Variants in GSTCD observed in about 807,000 individuals in gnomAD.
GSTCD encodes glutathione S-transferase C-terminal domain containing, also known as glutathione S-transferase C-terminal domain-containing protein.
GSTCD carries 44 observed loss-of-function variants against 68.3 expected under a neutral mutation model. The observed-to-expected ratio is 0.64, with a 90% CI of 0.51 to 0.83. The LOEUF (loss-of-function observed/expected upper bound fraction) is 0.83. GSTCD is among the 40% of genes least tolerant of loss of function. The pLI is 0.00. For missense variants in GSTCD, 739 were observed against 735.9 expected (o/e 1.00, Z -0.05); for synonymous variants, 273 against 255.2 (o/e 1.07, Z -0.67).
At chr4:105,710,541 T>C (rs77475426) in intron 1 of GSTCD, among the ~76,000 whole-genome samples, 3,591 of 152,228 alleles carry the variant, frequency 0.024, 46 homozygotes, top group Middle Eastern at 0.048. Context: ...TTTTTGTTTT[T>C]TTAAACTTGT....
intron 1 of GSTCD, among the ~76,000 whole-genome samples, chr4:105,715,627 A>C (rs925887474): frequency 2.6e-5 from 4 of 151,766 alleles, no homozygotes; most frequent in Admixed American, 6.6e-5. Flanking sequence ...TTAGTTTTAA[A>C]AAATGAAGAA....
intron 5 of GSTCD, among the ~76,000 whole-genome samples, chr4:105,741,347 G>T (rs990663160): frequency 6.6e-6 from 1 of 152,094 alleles, no homozygotes; most frequent in African/African-American, 2.4e-5. Context: ...TAAAGAATTT[G>T]TTAGTGTTTT....
chr4:105,722,069 CAG>C (rs1487152195), intron 3 of GSTCD, among the ~76,000 whole-genome samples: 7 of 152,086 alleles, frequency 4.6e-5, no homozygotes, highest in Non-Finnish European at 7.4e-5. Flanking sequence ...GCCTATAAGA[CAG>C]AAAGTTGCAT....
intron 5 of GSTCD, among the ~76,000 whole-genome samples, chr4:105,811,026 T>C (rs2553460): frequency 0.82 from 124,515 of 152,012 alleles, 51,321 homozygotes; most frequent in East Asian, 0.96. Context: ...TTTCCTGAAG[T>C]AGATTCCTAA....
chr4:105,782,706 C>T (rs749843758), intron 5 of GSTCD, among the ~76,000 whole-genome samples: 11 of 151,974 alleles, frequency 7.2e-5, no homozygotes, highest in Non-Finnish European at 1.2e-4. Flanking sequence ...CCTCAGGTCC[C>T]CTAGTAGCTG....
intron 5 of GSTCD, among the ~76,000 whole-genome samples, chr4:105,805,037 A>G (rs937774889): frequency 6.6e-6 from 1 of 152,122 alleles, no homozygotes; most frequent in Non-Finnish European, 1.5e-5. Context: ...TACAGCTATT[A>G]TATTTATTTT....
chr4:105,778,858 G>A (rs1220129084), intron 5 of GSTCD, among the ~76,000 whole-genome samples: 1 of 152,040 alleles, frequency 6.6e-6, no homozygotes, highest in African/African-American at 2.4e-5. Flanking sequence ...ATTCCTCAAT[G>A]TTAACATTTT....
chr4:105,749,265 A>G (rs1267792040), intron 5 of GSTCD, among the ~76,000 whole-genome samples: 1 of 152,014 alleles, frequency 6.6e-6, no homozygotes, highest in Non-Finnish European at 1.5e-5. Context: ...TAAAAATTTC[A>G]CGTGAAGTAA....
intron 5 of GSTCD, among the ~76,000 whole-genome samples, chr4:105,790,905 ATTGTT>A (rs1358539936): frequency 6.6e-6 from 1 of 151,994 alleles, no homozygotes; most frequent in African/African-American, 2.4e-5. Flanking sequence ...ACTCATCCTT[ATTGTT>A]TTATCACTGT....
chr4:105,753,520 A>G (rs1240274801), intron 5 of GSTCD, among the ~76,000 whole-genome samples: 1 of 152,014 alleles, frequency 6.6e-6, no homozygotes, highest in Non-Finnish European at 1.5e-5. Context: ...TTTTCTTGTC[A>G]TGATGCCCTA....
intron 4 of GSTCD, among the ~76,000 whole-genome samples, chr4:105,727,717 TA>T (rs1406384792): frequency 4.6e-5 from 7 of 152,014 alleles, no homozygotes; most frequent in Non-Finnish European, 1.0e-4. Flanking sequence ...GCATATGCTT[TA>T]TTTTTTTTCT....
chr4:105,827,564 A>G (rs1723696005), intron 8 of GSTCD, among the ~76,000 whole-genome samples: 1 of 152,212 alleles, frequency 6.6e-6, no homozygotes, highest in Non-Finnish European at 1.5e-5. Flanking sequence ...CTAGGAGAGT[A>G]ATTGAGATAT....
intron 5 of GSTCD, among the ~76,000 whole-genome samples, chr4:105,805,885 A>G (rs572600879): frequency 2.0e-5 from 3 of 152,176 alleles, no homozygotes; most frequent in Admixed American, 6.6e-5. Flanking sequence ...TGTTTTTTTA[A>G]GAAATTTTCC....
At position 105,760,461 on chromosome 4, in the gene GSTCD, G is replaced by C. The variant is rs143769599; in HGVS notation, c.1240+30962G>C. Among the ~76,000 whole-genome samples the C allele has an allele frequency of 4.1e-3, 623 of 152,220 alleles. 2 individuals are homozygous for C. The highest frequency in any genetic ancestry group is 0.024 in the Middle Eastern group (7 of 294). On this transcript the variant is annotated intron_variant, in intron 5 of 11. Transcript: ENST00000515279. The stretch of plus-strand genomic sequence containing the variant: ...TCTGAGACTTTGATCTTACCAGCTA[G>C]ATTTTACCAACTGCATTGCATTTTA...
chr4:105,732,304 G>A (rs1733275662), intron 5 of GSTCD, among the ~76,000 whole-genome samples: 1 of 152,178 alleles, frequency 6.6e-6, no homozygotes, highest in Admixed American at 6.5e-5. Flanking sequence ...GAATTCGGCT[G>A]TGAATCCGTC....
intron 5 of GSTCD, among the ~76,000 whole-genome samples, chr4:105,794,668 G>T (rs946810645): frequency 2.6e-5 from 4 of 151,152 alleles, no homozygotes; most frequent in Non-Finnish European, 5.9e-5. Context: ...CAACTCTGTG[G>T]CCTATAAAAT....
chr4:105,827,646 A>C (rs1723700301), intron 8 of GSTCD, among the ~76,000 whole-genome samples: 1 of 152,194 alleles, frequency 6.6e-6, no homozygotes, highest in African/African-American at 2.4e-5. Flanking sequence ...CAGTATACAC[A>C]CAAAAAAATT....
intron 3 of GSTCD, among the ~76,000 whole-genome samples, chr4:105,722,462 AT>A (rs1732888348): frequency 6.6e-6 from 1 of 152,122 alleles, no homozygotes; most frequent in African/African-American, 2.4e-5. Context: ...TTATATTTTC[AT>A]TTAGATAGGT....
At chr4:105,753,390 T>C (rs1014298527) in intron 5 of GSTCD, 1 of 152,060 alleles carries the variant, frequency 6.6e-6, no homozygotes, top group Non-Finnish European at 1.5e-5. Flanking sequence ...ATGGAAAACA[T>C]TCACAGAGTT....
Sources: allele counts gnomAD v4.1 joint callset (sites outside exome capture counted in the v4.1 genomes callset), GRCh38; gene constraint gnomAD v4.1.1; transcripts MANE v1.5; gene names NCBI Gene and HGNC (gene_info 2026-07-23, HGNC 2026-07-21).